SLC39A11: variants seen among roughly 807,000 people sequenced by gnomAD.
SLC39A11 encodes the protein solute carrier family 39 member 11.
SLC39A11 carries 33 observed loss-of-function variants against 36.1 expected under a neutral mutation model. The ratio of observed to expected loss-of-function variants is 0.91; its 90% CI spans 0.69 to 1.22. The LOEUF is 1.22. Among genes scored for constraint, SLC39A11 ranks in the 50% most tolerant of loss-of-function variants. The pLI is 0.00. For missense variants in SLC39A11, 432 were observed against 430.3 expected, an observed-to-expected ratio of 1.00 and a Z score of -0.03; for synonymous variants, 166 against 170.3, an observed-to-expected ratio of 0.97 and a Z score of 0.20.
chr17:72,967,399 A>AGAGAGAGT lies in SLC39A11; in HGVS notation c.307-19525_307-19524insACTCTCTC, dbSNP rs143987646. Among the ~76,000 whole-genome samples, 779 of 138,242 alleles carry AGAGAGAGT rather than the reference A, an allele frequency of 5.6e-3. 3 individuals carry two copies. The highest frequency in any genetic ancestry group is 8.8e-3 in the African/African-American group (319 of 36,132). The allele number at this position is 138,242 out of a possible 152,430, so 90.7% of individuals were successfully genotyped here. On this transcript the variant is annotated intron_variant, in intron 4 of 9. Transcript: ENST00000255559. ...GAGAGAGAGAGAGAGAGAGAGAGAG[A>AGAGAGAGT]GTGTGTGTGTGTGTGTGTTTTCCTT...
intron 2 of SLC39A11, 124 bp downstream of exon 2, chr17:73,088,533 C>A: frequency 1.4e-6 from 1 of 712,590 alleles, no homozygotes. Context: ...AACCCCAGTA[C>A]ACAATGCCTG....
intron 6 of SLC39A11, among the ~76,000 whole-genome samples, chr17:72,807,557 A>G (rs181417585): frequency 6.6e-6 from 1 of 152,166 alleles, no homozygotes. Context: ...CCACCCACTG[A>G]CCTCCTAGAG....
At chr17:72,759,910 C>G (rs755373736) in intron 6 of SLC39A11, among the ~76,000 whole-genome samples, 5 of 152,098 alleles carry the variant, frequency 3.3e-5, no homozygotes, top group Non-Finnish European at 5.9e-5. Flanking sequence ...GTTACCTGTG[C>G]GGGGCCCCCT....
At chr17:72,812,622 G>A (rs2077467502) in intron 6 of SLC39A11, among the ~76,000 whole-genome samples, 2 of 152,140 alleles carry the variant, frequency 1.3e-5, no homozygotes, top group South Asian at 2.1e-4. Flanking sequence ...ACCCAGCCTT[G>A]GACAAGACAT....
Position 72,656,526 on chromosome 17 carries a change from G to T in SLC39A11, c.672-7258C>A, listed in dbSNP as rs975212963. Among the ~76,000 whole-genome samples, 4 of 152,136 alleles carry T rather than the reference G, an allele frequency of 2.6e-5. No homozygotes were observed. In the East Asian group the frequency reaches 7.8e-4, roughly 30 times the overall value. ...AGGGAGCGTGGAAAGGGAAGGAGAC[G>T]GGGGAGGCGGGAAGGGAGGGTCGAC... On this transcript the variant is annotated intron_variant, in intron 7 of 9. Coordinates refer to ENST00000255559, the MANE Select transcript of SLC39A11 (RefSeq NM_139177.4).
At chr17:72,751,085 T>C (rs2144321893) in intron 6 of SLC39A11, among the ~76,000 whole-genome samples, 1 of 152,184 alleles carries the variant, frequency 6.6e-6, no homozygotes, top group South Asian at 2.1e-4. Flanking sequence ...CCGCCTCTAC[T>C]AAAAATACAA....
At chr17:72,899,803 A>G (rs1405124900) in intron 5 of SLC39A11, among the ~76,000 whole-genome samples, 1 of 152,126 alleles carries the variant, frequency 6.6e-6, no homozygotes, top group Non-Finnish European at 1.5e-5. Flanking sequence ...CTCTACTAAA[A>G]ATACAAAAGT....
intron 4 of SLC39A11, among the ~76,000 whole-genome samples, chr17:73,009,877 T>C (rs577347573): frequency 3.3e-5 from 5 of 151,722 alleles, no homozygotes; most frequent in South Asian, 2.1e-4. Flanking sequence ...CCTAATGCTA[T>C]CCCTCCCCAC....
chr17:72,716,497 G>A (rs375376944), intron 7 of SLC39A11, among the ~76,000 whole-genome samples: 272 of 151,722 alleles, frequency 1.8e-3, no homozygotes, highest in Non-Finnish European at 3.3e-3. Flanking sequence ...GTCTGAAGGC[G>A]GCCACAGAAA....
chr17:72,962,968 C>A (rs1432537486), intron 4 of SLC39A11, among the ~76,000 whole-genome samples: 1 of 152,078 alleles, frequency 6.6e-6, no homozygotes, highest in Non-Finnish European at 1.5e-5. Flanking sequence ...CACTTCAAGT[C>A]TCTCTGACCT....
intron 9 of SLC39A11, among the ~76,000 whole-genome samples, chr17:72,648,393 AC>A (rs2069677201): frequency 1.3e-5 from 2 of 151,362 alleles, no homozygotes; most frequent in Non-Finnish European, 2.9e-5. Context: ...AACAAAGCAA[AC>A]CCTTACTCCC....
chr17:72,769,313 G>C, intron 6 of SLC39A11, among the ~76,000 whole-genome samples: 1 of 152,166 alleles, frequency 6.6e-6, no homozygotes, highest in East Asian at 1.9e-4. Flanking sequence ...CTACCAAGTG[G>C]AGGTTAATGA....
At chr17:72,763,169 T>C (rs765155360) in intron 6 of SLC39A11, among the ~76,000 whole-genome samples, 1 of 152,108 alleles carries the variant, frequency 6.6e-6, no homozygotes, top group Non-Finnish European at 1.5e-5. Flanking sequence ...CCACGAACCC[T>C]CCACCTTCCT....
chr17:72,969,134 G>C (rs1273283190), intron 4 of SLC39A11, among the ~76,000 whole-genome samples: 1 of 152,172 alleles, frequency 6.6e-6, no homozygotes, highest in Non-Finnish European at 1.5e-5. Context: ...CATATTGCAG[G>C]AAGGTTACAG....
At chr17:72,968,732 C>A (rs1279299273) in intron 4 of SLC39A11, among the ~76,000 whole-genome samples, 6 of 152,200 alleles carry the variant, frequency 3.9e-5, no homozygotes, top group Non-Finnish European at 7.3e-5. Flanking sequence ...AAGAAAAATG[C>A]AGCCACCACA....
At chr17:72,990,001 C>T (rs540075660) in intron 4 of SLC39A11, among the ~76,000 whole-genome samples, 8 of 152,338 alleles carry the variant, frequency 5.3e-5, no homozygotes, top group African/African-American at 1.2e-4. Context: ...TAATGCTGCA[C>T]GTAGTATCAG....
chr17:72,971,439 C>T (rs1241399514), intron 4 of SLC39A11, among the ~76,000 whole-genome samples: 2 of 152,122 alleles, frequency 1.3e-5, no homozygotes, highest in Admixed American at 1.3e-4. Context: ...GGAAATGGCA[C>T]AGCGCCCCCC....
chr17:72,978,197 C>CCTTCCT (rs10523255), intron 4 of SLC39A11, among the ~76,000 whole-genome samples: 10,681 of 151,640 alleles, frequency 0.07, 985 homozygotes, highest in African/African-American at 0.21. Context: ...GCGTTCCCTG[C>CCTTCCT]CTTCCTCTTC....
intron 4 of SLC39A11, among the ~76,000 whole-genome samples, chr17:72,988,727 G>T (rs967727309): frequency 2.0e-5 from 3 of 151,552 alleles, no homozygotes; most frequent in African/African-American, 7.3e-5. Flanking sequence ...TTTTATTTTT[G>T]AGATGGAGTC....
Sources: gnomAD v4.1 joint callset for allele counts (sites outside exome capture counted in the v4.1 genomes callset) on GRCh38, gnomAD v4.1.1 for gene constraint, MANE v1.5 for transcripts, NCBI Gene and HGNC (gene_info 2026-07-23, HGNC 2026-07-21) for gene names.